SSH2: variants seen among roughly 807,000 people sequenced by gnomAD.
SSH2 encodes the protein protein phosphatase Slingshot homolog 2.
Under a neutral mutation model 135.2 loss-of-function variants are expected in SSH2, and 37 were observed. The observed-to-expected ratio is 0.27, with a 90% CI of 0.21 to 0.36. The LOEUF is 0.36. Ranked by LOEUF, SSH2 falls within the 10% of genes least tolerant of loss-of-function variation. The pLI, the probability that SSH2 is intolerant of heterozygous loss-of-function variation, is 1.00. For missense variants in SSH2, 1,408 were observed against 1,765.3 expected, an observed-to-expected ratio of 0.80 and a Z score of 3.63; for synonymous variants, 628 against 646.2, an observed-to-expected ratio of 0.97 and a Z score of 0.43.
intron 1 of SSH2, among the ~76,000 whole-genome samples, chr17:29,862,876 C>T (rs929257307): frequency 6.6e-6 from 1 of 152,138 alleles, no homozygotes. Context: ...CTTCAAAGCA[C>T]CAGTCAAATC....
At chr17:29,633,057 T>G (rs2035755292) in intron 15 of SSH2, 126 bp from the exon 16 acceptor site, 3 of 836,164 alleles carry the variant, frequency 3.6e-6, no homozygotes, top group Admixed American at 2.8e-5. Flanking sequence ...AATCATGGAG[T>G]GCCTGGGACC....
intron 6 of SSH2, among the ~76,000 whole-genome samples, chr17:29,680,714 T>C (rs1297261919): frequency 6.6e-6 from 1 of 151,940 alleles, no homozygotes; most frequent in Non-Finnish European, 1.5e-5. Context: ...ACAAGTTTTG[T>C]TGAGTAGATG....
chr17:29,838,838 T>C, intron 2 of SSH2: 2 of 181,650 alleles, frequency 1.1e-5, no homozygotes, highest in South Asian at 1.3e-4. Context: ...TCACTCTTCC[T>C]GGACACAGGA....
chr17:29,724,621 C>T (rs1402038182), intron 3 of SSH2, among the ~76,000 whole-genome samples: 2 of 134,126 alleles, frequency 1.5e-5, no homozygotes, highest in Non-Finnish European at 3.1e-5. Flanking sequence ...GACAGAGTCT[C>T]GCTCATTGCC....
intron 1 of SSH2, among the ~76,000 whole-genome samples, chr17:29,875,606 C>CTACA (rs1480800889): frequency 6.6e-6 from 1 of 152,180 alleles, no homozygotes; most frequent in Non-Finnish European, 1.5e-5. Context: ...AAACTTCTTA[C>CTACA]TACAGTCTGT....
chr17:29,716,842 T>C (rs1195653523), intron 3 of SSH2, among the ~76,000 whole-genome samples: 1 of 152,106 alleles, frequency 6.6e-6, no homozygotes, highest in Non-Finnish European at 1.5e-5. Flanking sequence ...CCTCTGAAAC[T>C]CCTCCCCCAC....
At chr17:29,827,941 T>G (rs1297893787) in intron 2 of SSH2, among the ~76,000 whole-genome samples, 2 of 152,198 alleles carry the variant, frequency 1.3e-5, no homozygotes, top group Non-Finnish European at 2.9e-5. Context: ...CTTACCTTCC[T>G]GCCATAGCTG....
intron 2 of SSH2, among the ~76,000 whole-genome samples, chr17:29,840,667 T>C (rs1230722004): frequency 1.3e-5 from 2 of 152,190 alleles, no homozygotes; most frequent in Non-Finnish European, 1.5e-5. Flanking sequence ...TGAACTTCAT[T>C]ATGTCTGCAG....
chr17:29,713,791 T>C (rs767584108), intron 3 of SSH2, among the ~76,000 whole-genome samples: 2 of 152,172 alleles, frequency 1.3e-5, no homozygotes, highest in Non-Finnish European at 2.9e-5. Context: ...TGTCTTCCTC[T>C]CTGTGCAGCC....
intron 6 of SSH2, among the ~76,000 whole-genome samples, chr17:29,681,788 G>A (rs1273847333): frequency 6.6e-6 from 1 of 152,078 alleles, no homozygotes; most frequent in Non-Finnish European, 1.5e-5. Flanking sequence ...ATACTATTTT[G>A]AAGCATTAAC....
At chr17:29,790,300 C>T (rs991530838) in intron 3 of SSH2, among the ~76,000 whole-genome samples, 1 of 152,034 alleles carries the variant, frequency 6.6e-6, no homozygotes, top group African/African-American at 2.4e-5. Flanking sequence ...AGGAAGAGAC[C>T]AGAACGTGCT....
intron 3 of SSH2, among the ~76,000 whole-genome samples, chr17:29,724,581 CTTTTTTTTTTT>C (rs560435177): frequency 2.6e-5 from 2 of 76,552 alleles, no homozygotes; most frequent in African/African-American, 1.2e-4. Context: ...ATTACCAAAT[CTTTTTTTTTTT>C]TTTTTTTTTT....
intron 11 of SSH2, among the ~76,000 whole-genome samples, chr17:29,657,614 C>T (rs1466651984): frequency 8.4e-6 from 1 of 119,184 alleles, no homozygotes; most frequent in African/African-American, 3.3e-5. Flanking sequence ...CAGAGTCTTG[C>T]TCTGTTGCCT....
chr17:29,785,646 C>G (rs1036763238), intron 3 of SSH2, among the ~76,000 whole-genome samples: 1 of 151,466 alleles, frequency 6.6e-6, no homozygotes, highest in Non-Finnish European at 1.5e-5. Context: ...ATTACAGGAG[C>G]GTGCCATCAC....
At chr17:29,794,189 A>C (rs1166107002) in intron 2 of SSH2, among the ~76,000 whole-genome samples, 1 of 152,246 alleles carries the variant, frequency 6.6e-6, no homozygotes. Context: ...AGTGCTATTC[A>C]TTAAAACAAT....
chr17:29,761,754 T>C (rs1302968297), intron 3 of SSH2, among the ~76,000 whole-genome samples: 1 of 151,884 alleles, frequency 6.6e-6, no homozygotes, highest in Non-Finnish European at 1.5e-5. Flanking sequence ...TCTTAAAAAA[T>C]GTAAAGGCCA....
chr17:29,735,658 C>T (rs1302205831), intron 3 of SSH2, among the ~76,000 whole-genome samples: 2 of 147,592 alleles, frequency 1.4e-5, no homozygotes, highest in African/African-American at 5.0e-5. Flanking sequence ...GATCGCGTCA[C>T]TGCACTCCAG....
At chr17:29,694,717 C>T (rs2038651482) in intron 5 of SSH2, among the ~76,000 whole-genome samples, 1 of 152,144 alleles carries the variant, frequency 6.6e-6, no homozygotes. Context: ...TCTCACCTAA[C>T]TTTAAAATTC....
intron 11 of SSH2, among the ~76,000 whole-genome samples, chr17:29,658,251 C>T (rs1040028995): frequency 6.6e-6 from 1 of 152,044 alleles, no homozygotes; most frequent in Admixed American, 6.6e-5. Flanking sequence ...ATCTGCCCAC[C>T]TCGGCCTCCC....
Sources: allele counts gnomAD v4.1 joint callset (sites outside exome capture counted in the v4.1 genomes callset), GRCh38; gene constraint gnomAD v4.1.1; transcripts MANE v1.5; gene names NCBI Gene and HGNC (gene_info 2026-07-23, HGNC 2026-07-21).